Variants in ABCC3 observed in about 807,000 individuals in gnomAD.
ABCC3 encodes the protein ATP binding cassette subfamily C member 3.
A neutral mutation model predicts 165.3 loss-of-function variants in ABCC3; 121 were observed. The observed-to-expected ratio is 0.73, with a 90% CI of 0.63 to 0.85. The LOEUF (loss-of-function observed/expected upper bound fraction) is 0.85. ABCC3 is among the 40% of genes least tolerant of loss of function. ABCC3 has a pLI of 0.00. For synonymous variants in ABCC3, 733 were observed against 810.1 expected (o/e 0.90, Z 1.62); for missense variants, 1,869 against 1,964.1 (o/e 0.95, Z 0.92).
intron 22 of ABCC3, 77 bp downstream of exon 22, chr17:50,676,167 C>G: frequency 6.3e-7 from 1 of 1,598,218 alleles, no homozygotes; most frequent in South Asian, 1.1e-5. Flanking sequence ...AAACCGTGCC[C>G]TTGCATCCAA....
rs761447062 is a variant in ABCC3 at position 50,668,963 on chromosome 17, TG to T, written c.1937+46del. 2.5e-6 allele frequency: 4 copies of T among 1,605,736 alleles called. No individual in the cohort carries two copies. The African/African-American group carries it at 5.3e-5, about 21-fold the overall frequency. Reference sequence around the variant, plus strand: ...CCCTTCCCAGCTGCCCACGGTGGGCTGGAAGTTCAGATCAATAGCAGCACCC... The same window carrying T: ...CCCTTCCCAGCTGCCCACGGTGGGCTGAAGTTCAGATCAATAGCAGCACCC... On this transcript the variant is annotated intron_variant, in intron 15 of 30. Coordinates refer to ENST00000285238, the MANE Select transcript of ABCC3 (RefSeq NM_003786.4).
At chr17:50,654,720 C>G (rs73344374) in intron 1 of ABCC3, among the ~76,000 whole-genome samples, 12 of 152,126 alleles carry the variant, frequency 7.9e-5, no homozygotes, top group Admixed American at 7.9e-4. Context: ...CTATCCCTGA[C>G]CCGGGAAAGG....
intron 19 of ABCC3, among the ~76,000 whole-genome samples, chr17:50,673,912 C>CTTTCTT (rs1967708461): frequency 3.3e-4 from 4 of 12,010 alleles, no homozygotes; most frequent in African/African-American, 1.8e-3. Flanking sequence ...TTCTTTCTTT[C>CTTTCTT]TTTCTTTCTT....
chr17:50,689,804 G>A (rs566499219), intron 30 of ABCC3, among the ~76,000 whole-genome samples: 2 of 152,328 alleles, frequency 1.3e-5, no homozygotes, highest in Admixed American at 6.5e-5. Context: ...GAGGGACAGG[G>A]CTGGGCTGAG....
Position 50,691,297 on chromosome 17 carries a change from T to G in ABCC3, c.*97T>G. 1 of 933,916 alleles carries G rather than the reference T, an allele frequency of 1.1e-6. No homozygotes were observed. The highest frequency in any genetic ancestry group is 1.7e-6 in the Non-Finnish European group (1 of 587,438). The allele number at this position is 933,916 out of a possible 1,614,324, so 57.9% of individuals were successfully genotyped here. On this transcript the variant is annotated 3_prime_UTR_variant, in exon 31 of 31. Coordinates refer to ENST00000285238, the MANE Select transcript of ABCC3 (RefSeq NM_003786.4). Reference sequence around the variant, plus strand: ...GCAGAATGGACTTGATAGCAAACACTGGGGGCACCTTAAGATTTTGCACCT... The same window carrying G: ...GCAGAATGGACTTGATAGCAAACACGGGGGGCACCTTAAGATTTTGCACCT...
chr17:50,673,956 C>CTT (rs371950594), intron 19 of ABCC3, among the ~76,000 whole-genome samples: 4 of 17,332 alleles, frequency 2.3e-4, no homozygotes, highest in South Asian at 2.5e-3. Flanking sequence ...TTCTTTCTTT[C>CTT]TTTCTTTCTT....
Position 50,675,385 on chromosome 17 carries a change from G to C in ABCC3, c.2623G>C (p.Glu875Gln), listed in dbSNP as rs1424827778. The C allele has an allele frequency of 1.2e-6, 2 of 1,613,626 alleles. No individual in the cohort carries two copies. Among genetic ancestry groups the C allele is most frequent in the Non-Finnish European group, 1.7e-6 (2 of 1,179,806 alleles). Residue 875 changes from glutamate (E) to glutamine (Q), a missense_variant, in exon 20 of 31, where the codon GAG becomes CAG. Physicochemically the swap from Glu to Gln is conservative, Grantham distance 29. Coordinates refer to ENST00000285238, the MANE Select transcript of ABCC3 (RefSeq NM_003786.4). ...AGCGTTGGAAGGTGCAGAGGATAAG[G>C]AGGCACTGCTGATTGAAGACACACT... ...WTALEGAEDK[E>Q]ALLIEDTLSN... is the part of the protein sequence containing the mutation.
Position 50,667,890 on chromosome 17 carries a change from G to C in ABCC3, c.1663G>C (p.Val555Leu), listed in dbSNP as rs759429326. The C allele has an allele frequency of 8.1e-6, 13 of 1,613,988 alleles. No homozygotes were observed. Among genetic ancestry groups the C allele is most frequent in the Non-Finnish European group, 1.1e-5 (13 of 1,179,980 alleles). ...LVTLITLWVY[V>L]YVDPNNVLDA... ...GACCCTGATCACCCTCTGGGTGTAC[G>C]TGTACGTGGACCCAAACAATGTGCT... is the stretch of plus-strand genomic sequence containing the variant. The change falls in exon 13 of 31, where the codon GTG becomes CTG. Residue 555 changes from valine (V) to leucine (L), a missense_variant. Transcript: ENST00000285238.
intron 26 of ABCC3, among the ~76,000 whole-genome samples, chr17:50,682,426 A>T (rs937324986): frequency 7.1e-6 from 1 of 141,016 alleles, no homozygotes; most frequent in Admixed American, 7.1e-5. Flanking sequence ...AATCAGAGTT[A>T]AAAAAAAAAA....
At chr17:50,665,690 C>T (rs1304635810) in intron 11 of ABCC3, among the ~76,000 whole-genome samples, 1 of 151,446 alleles carries the variant, frequency 6.6e-6, no homozygotes. Context: ...ACTGCAACCT[C>T]TGCCTCCCGG....
At chr17:50,665,056 A>G in intron 10 of ABCC3, 97 bp from the exon 11 acceptor site, 1 of 1,049,496 alleles carries the variant, frequency 9.5e-7, no homozygotes, top group South Asian at 1.3e-5. Flanking sequence ...CCATCTACAC[A>G]TTTCAAGTTA....
At chr17:50,670,228 G>A (rs1967618989) in intron 17 of ABCC3, among the ~76,000 whole-genome samples, 1 of 152,034 alleles carries the variant, frequency 6.6e-6, no homozygotes, top group African/African-American at 2.4e-5. Flanking sequence ...GATTACGGGT[G>A]CGCACCACCA....
intron 1 of ABCC3, among the ~76,000 whole-genome samples, chr17:50,655,420 AACAAAAAC>A (rs1967214173): frequency 6.7e-6 from 1 of 148,342 alleles, no homozygotes; most frequent in Non-Finnish European, 1.5e-5. Flanking sequence ...AAAAAAAAAA[AACAAAAAC>A]AAAAAAAAAA....
chr17:50,651,171 G>C (rs1381022724), intron 1 of ABCC3, among the ~76,000 whole-genome samples: 1 of 151,706 alleles, frequency 6.6e-6, no homozygotes, highest in African/African-American at 2.4e-5. Context: ...GCTGTAGATT[G>C]GTAAATCTAT....
At chr17:50,643,991 G>A in intron 1 of ABCC3, among the ~76,000 whole-genome samples, 1 of 152,130 alleles carries the variant, frequency 6.6e-6, no homozygotes, top group South Asian at 2.1e-4. Flanking sequence ...GGCACTGGAG[G>A]GCAGAGGGCT....
At position 50,675,388 on chromosome 17, in the gene ABCC3, G is replaced by A. The variant is rs766561182; in HGVS notation, c.2626G>A (p.Ala876Thr). The A allele has an allele frequency of 1.2e-6, 2 of 1,613,794 alleles. No individual in the cohort carries two copies. The highest frequency in any genetic ancestry group is 8.5e-7 in the Non-Finnish European group (1 of 1,179,822). ...GTTGGAAGGTGCAGAGGATAAGGAG[G>A]CACTGCTGATTGAAGACACACTCAG... is the stretch of plus-strand genomic sequence containing the variant. ...TALEGAEDKE[A>T]LLIEDTLSNH... The change falls in exon 20 of 31, where the codon GCA becomes ACA. Residue 876 changes from alanine to threonine, a missense_variant. By Grantham distance (58) the Ala-to-Thr change is moderately conservative. Transcript: ENST00000285238.
chr17:50,662,216 CCAGAGAGA>C (rs1967405665), intron 8 of ABCC3: 1 of 152,194 alleles, frequency 6.6e-6, no homozygotes, highest in Non-Finnish European at 1.5e-5. Context: ...GGCGTGTGCG[CCAGAGAGA>C]CAGAGGAGTG....
At chr17:50,647,053 A>G (rs1301311593) in intron 1 of ABCC3, among the ~76,000 whole-genome samples, 1 of 151,938 alleles carries the variant, frequency 6.6e-6, no homozygotes, top group East Asian at 1.9e-4. Context: ...TAATTTTTGT[A>G]TTTTTAGTAG....
intron 6 of ABCC3, 80 bp from the exon 7 acceptor site, chr17:50,659,157 T>A: frequency 3.8e-6 from 6 of 1,561,220 alleles, no homozygotes; most frequent in Non-Finnish European, 5.3e-6. Flanking sequence ...CCTGGGGCCC[T>A]GGAGACACTG....
Sources: gnomAD v4.1 joint callset for allele counts (sites outside exome capture counted in the v4.1 genomes callset) on GRCh38, gnomAD v4.1.1 for gene constraint, MANE v1.5 for transcripts, NCBI Gene and HGNC (gene_info 2026-07-23, HGNC 2026-07-21) for gene names.